The following KCNH1 variants were observed in gnomAD, a reference collection of about 807,000 sequenced individuals.
KCNH1 encodes voltage-gated delayed rectifier potassium channel KCNH1.
KCNH1 carries 27 observed loss-of-function variants against 69.2 expected under a neutral mutation model. The ratio of observed to expected loss-of-function variants is 0.39; its 90% CI spans 0.29 to 0.54. The LOEUF is 0.54. Ranked by LOEUF, KCNH1 falls within the 20% of genes least tolerant of loss-of-function variation. KCNH1 has a pLI of 0.68. For missense variants in KCNH1, 798 were observed against 1,261.6 expected (o/e 0.63, Z 5.57); for synonymous variants, 456 against 487.7 (o/e 0.93, Z 0.86).
chr1:211,061,347 G>A (rs937119810), intron 5 of KCNH1, among the ~76,000 whole-genome samples: 1 of 152,096 alleles, frequency 6.6e-6, no homozygotes, highest in African/African-American at 2.4e-5. Flanking sequence ...CAGACCCACA[G>A]CTAGTATAAT....
chr1:210,932,803 C>A (rs190612984), intron 6 of KCNH1, among the ~76,000 whole-genome samples: 1 of 152,026 alleles, frequency 6.6e-6, no homozygotes, highest in Admixed American at 6.6e-5. Flanking sequence ...TTTAGCAAGA[C>A]AATATAATAA....
chr1:210,872,138 G>A lies in KCNH1; in HGVS notation c.1462+47502C>T, dbSNP rs563525237. Among the ~76,000 whole-genome samples, 339 of 141,120 alleles carry A rather than the reference G, an allele frequency of 2.4e-3. 1 individual carries two copies. The highest frequency in any genetic ancestry group is 3.3e-3 in the Non-Finnish European group (213 of 65,438). The allele number at this position is 141,120 out of a possible 152,430, so 92.6% of individuals were successfully genotyped here. ...AACATTCAGTGGAAAAAAGCTTAAAGGGAAGAGCACCAAAAAAAAAAAAAA... is the reference window on the plus strand; with the variant it reads ...AACATTCAGTGGAAAAAAGCTTAAAAGGAAGAGCACCAAAAAAAAAAAAAA... On this transcript the variant is annotated intron_variant, in intron 7 of 10. Coordinates refer to ENST00000271751, the MANE Select transcript of KCNH1 (RefSeq NM_172362.3).
chr1:210,716,769 C>T (rs1483918074), intron 10 of KCNH1, among the ~76,000 whole-genome samples: 2 of 152,210 alleles, frequency 1.3e-5, no homozygotes, highest in African/African-American at 2.4e-5. Context: ...CTTGCTCTCT[C>T]TGTTCCAACT....
chr1:210,965,264 G>A (rs936633144), intron 6 of KCNH1, among the ~76,000 whole-genome samples: 3 of 152,096 alleles, frequency 2.0e-5, no homozygotes, highest in African/African-American at 7.2e-5. Context: ...AATCAGGCAA[G>A]AGAAAGAAAT....
intron 3 of KCNH1, 49 bp downstream of exon 3, chr1:211,103,447 A>C: frequency 7.7e-6 from 9 of 1,165,422 alleles, no homozygotes; most frequent in Non-Finnish European, 9.9e-6. Flanking sequence ...GAGATATTTT[A>C]CTATTTCAAA....
At chr1:211,033,052 A>G (rs1424503131) in intron 5 of KCNH1, among the ~76,000 whole-genome samples, 3 of 152,252 alleles carry the variant, frequency 2.0e-5, no homozygotes, top group Non-Finnish European at 4.4e-5. Context: ...AATGAACTCA[A>G]ATAAATTTAC....
intron 7 of KCNH1, among the ~76,000 whole-genome samples, chr1:210,835,292 C>G (rs1301073767): frequency 1.1e-5 from 1 of 90,762 alleles, no homozygotes; most frequent in African/African-American, 6.0e-5. Context: ...TTTGTGAGAC[C>G]AAGTATTAAT....
chr1:210,988,626 C>T (rs1225996808), intron 6 of KCNH1, among the ~76,000 whole-genome samples: 1 of 152,132 alleles, frequency 6.6e-6, no homozygotes, highest in Admixed American at 6.5e-5. Context: ...TGCCCCAAGA[C>T]CTAATAAATG....
intron 5 of KCNH1, among the ~76,000 whole-genome samples, chr1:211,074,604 T>C (rs150938587): frequency 2.6e-5 from 4 of 152,200 alleles, no homozygotes; most frequent in African/African-American, 7.2e-5. Context: ...CTGTAATAAT[T>C]CTATGTATCA....
intron 6 of KCNH1, among the ~76,000 whole-genome samples, chr1:210,940,117 T>A (rs1401994229): frequency 4.6e-5 from 7 of 152,240 alleles, no homozygotes; most frequent in Non-Finnish European, 8.8e-5. Flanking sequence ...TTATTGGAAG[T>A]TATTCAATGA....
intron 7 of KCNH1, among the ~76,000 whole-genome samples, chr1:210,827,013 A>G (rs1205542906): frequency 2.0e-5 from 3 of 152,324 alleles, no homozygotes; most frequent in African/African-American, 4.8e-5. Flanking sequence ...ACCTTTTACA[A>G]TTTCATAACT....
chr1:211,128,264 CAA>C (rs1691816797), intron 1 of KCNH1, among the ~76,000 whole-genome samples: 1 of 106,426 alleles, frequency 9.4e-6, no homozygotes, highest in Non-Finnish European at 1.8e-5. Flanking sequence ...ACTCCAGCGA[CAA>C]AGTGAGATTC....
chr1:210,956,898 C>T lies in KCNH1; in HGVS notation c.1033-36829G>A, dbSNP rs187867319. The stretch of plus-strand genomic sequence containing the variant: ...TCATTGATTTTTTTGAAGGATTTTT[C>T]GTTTCTCTATCTCCTTCAATTCCAC... On this transcript the variant is annotated intron_variant, in intron 6 of 10. Coordinates refer to ENST00000271751, the MANE Select transcript of KCNH1 (RefSeq NM_172362.3). 5.3e-5 allele frequency among the ~76,000 whole-genome samples: 8 copies of T among 151,732 alleles called. No individual in the cohort carries two copies. The East Asian group carries it at 7.8e-4, about 15-fold the overall frequency.
chr1:210,704,504 A>ACTT (rs1681858542), intron 10 of KCNH1, among the ~76,000 whole-genome samples: 1 of 152,122 alleles, frequency 6.6e-6, no homozygotes, highest in African/African-American at 2.4e-5. Flanking sequence ...GACAGCCATT[A>ACTT]CTTCTGCCAT....
chr1:211,132,350 T>C (rs1244465148), intron 1 of KCNH1, among the ~76,000 whole-genome samples: 1 of 152,204 alleles, frequency 6.6e-6, no homozygotes, highest in African/African-American at 2.4e-5. Context: ...CAGTTCATTG[T>C]GGCTGTTCAC....
At chr1:210,836,211 C>T (rs1356518409) in intron 7 of KCNH1, among the ~76,000 whole-genome samples, 1 of 151,840 alleles carries the variant, frequency 6.6e-6, no homozygotes, top group African/African-American at 2.4e-5. Context: ...AAATGGCCAT[C>T]CCCTACAGAA....
intron 7 of KCNH1, among the ~76,000 whole-genome samples, chr1:210,911,190 A>G (rs1171076659): frequency 6.6e-6 from 1 of 152,106 alleles, no homozygotes; most frequent in East Asian, 1.9e-4. Flanking sequence ...TAAATCTCAG[A>G]AAAACCTTAG....
chr1:210,936,433 T>C lies in KCNH1; in HGVS notation c.1033-16364A>G, dbSNP rs139989480. 9.1e-4 allele frequency among the ~76,000 whole-genome samples: 139 copies of C among 152,302 alleles called. 1 individual carries two copies. Among genetic ancestry groups the C allele is most frequent in the African/African-American group, 3.2e-3 (133 of 41,564 alleles). ...CTTCTCCCTTACATCCTGGAGTTAA[T>C]AGTAGAGACTTTTCAAGCTCCACAC... On this transcript the variant is annotated intron_variant, in intron 6 of 10. Transcript: ENST00000271751.
chr1:210,921,731 T>C (rs1483691333), intron 6 of KCNH1, among the ~76,000 whole-genome samples: 8 of 152,182 alleles, frequency 5.3e-5, no homozygotes, highest in African/African-American at 1.9e-4. Flanking sequence ...CAGCACATCT[T>C]CCAGGTGAGT....
Sources: allele counts gnomAD v4.1 joint callset (sites outside exome capture counted in the v4.1 genomes callset), GRCh38; gene constraint gnomAD v4.1.1; transcripts MANE v1.5; gene names NCBI Gene and HGNC (gene_info 2026-07-23, HGNC 2026-07-21).